The following SLC6A11 variants were observed in gnomAD, a reference collection of about 807,000 sequenced individuals.
SLC6A11 encodes solute carrier family 6 member 11, also known as sodium- and chloride-dependent GABA transporter 3.
Under a neutral mutation model 74.8 loss-of-function variants are expected in SLC6A11, and 25 were observed. The observed-to-expected ratio is 0.33, with a 90% confidence interval of 0.24 to 0.47. The LOEUF (loss-of-function observed/expected upper bound fraction) is 0.47, where lower values mean the gene tolerates loss of function less well. SLC6A11 is among the 20% of genes least tolerant of loss of function. The pLI is 1.00. For missense variants in SLC6A11, 574 were observed against 837.0 expected, an observed-to-expected ratio of 0.69 and a Z score of 3.88; for synonymous variants, 330 against 330.2, an observed-to-expected ratio of 1.00 and a Z score of 0.01.
Position 10,918,253 on chromosome 3 carries a change from C to G in SLC6A11, c.996-76C>G. 6.9e-7 allele frequency: 1 copy of G among 1,455,136 alleles called. No individual in the cohort carries two copies. Among genetic ancestry groups the G allele is most frequent in the Non-Finnish European group, 9.1e-7 (1 of 1,102,618 alleles). 90.1% of individuals were successfully genotyped at this position (1,455,136 alleles called of 1,614,324 possible). A position where few individuals can be genotyped will look rare whatever the true frequency, so the allele number is the denominator to read the frequency against. On this transcript the variant is annotated intron_variant, in intron 7 of 13. Transcript: ENST00000254488. This position sits in a 1 kb window ranked among gnomAD's most constrained non-coding sequence, Gnocchi z 4.5. ...CCTGCCTCACAGGACAGCCATGGTG[C>G]TCGGGTGGAGAACGTTTGAGCCGTG...
chr3:10,874,996 G>A lies in SLC6A11; in HGVS notation c.792G>A (p.Met264Ile). Residue 264 changes from methionine (M) to isoleucine (I), a missense_variant, in exon 6 of 14, where the codon ATG becomes ATA. By Grantham distance (10) the Met-to-Ile change is conservative (BLOSUM62 1). Transcript: ENST00000254488. Reference protein sequence around the residue: ...VYVTATFPYIMLLILLIRGVT... With the variant: ...VYVTATFPYIILLILLIRGVT... ...TGACTGCGACATTCCCCTACATCATGCTGCTGATCCTCCTGATACGAGGGG... is the reference window on the plus strand; with the variant it reads ...TGACTGCGACATTCCCCTACATCATACTGCTGATCCTCCTGATACGAGGGG... The A allele has an allele frequency of 6.2e-7, 1 of 1,613,508 alleles. No homozygotes were observed. The highest frequency in any genetic ancestry group is 8.5e-7 in the Non-Finnish European group (1 of 1,179,666).
intron 4 of SLC6A11, among the ~76,000 whole-genome samples, chr3:10,831,597 G>A (rs1694298951): frequency 6.6e-6 from 1 of 152,078 alleles, no homozygotes; most frequent in Non-Finnish European, 1.5e-5. Context: ...CCCAGGAGTG[G>A]GACTCGGGGG....
chr3:10,899,967 G>A lies in SLC6A11; in HGVS notation c.892-12123G>A, dbSNP rs984683475. 1.8e-4 allele frequency among the ~76,000 whole-genome samples: 27 copies of A among 152,180 alleles called. 1 individual carries two copies. The highest frequency in any genetic ancestry group is 1.9e-4 in the East Asian group (1 of 5,196). ...GATTCTCTCTTGCAGGTTTCTGCTCGCTCACTATGTCTGACAGGTGGTGGA... is the reference window on the plus strand; with the variant it reads ...GATTCTCTCTTGCAGGTTTCTGCTCACTCACTATGTCTGACAGGTGGTGGA... On this transcript the variant is annotated intron_variant, in intron 6 of 13. Coordinates refer to ENST00000254488, the MANE Select transcript of SLC6A11 (RefSeq NM_014229.3).
In SLC6A11 at chr3:10,850,160, C is replaced by T. The variant is rs138636627; in HGVS notation, c.756+5814C>T. Among the ~76,000 whole-genome samples the T allele has an allele frequency of 8.5e-4, 129 of 152,250 alleles. 4 individuals are homozygous for T. The East Asian group carries it at 0.022, about 26-fold the overall frequency. ...TTTATGCAAACAAATTCTCACTTGACAAGAAGCTAATATGTAAATTGCTAT... is the reference window on the plus strand; with the variant it reads ...TTTATGCAAACAAATTCTCACTTGATAAGAAGCTAATATGTAAATTGCTAT... On this transcript the variant is annotated intron_variant, in intron 5 of 13. Transcript: ENST00000254488.
At chr3:10,837,909 G>T (rs375825692) in intron 4 of SLC6A11, among the ~76,000 whole-genome samples, 22 of 152,246 alleles carry the variant, frequency 1.4e-4, no homozygotes, top group African/African-American at 5.1e-4. Context: ...CAAGGCAGCG[G>T]CCAGCTCCCT....
intron 7 of SLC6A11, among the ~76,000 whole-genome samples, chr3:10,913,756 C>T (rs760433559): frequency 1.3e-5 from 2 of 152,188 alleles, no homozygotes; most frequent in Non-Finnish European, 2.9e-5. Flanking sequence ...TGCAGTGGCA[C>T]GATCTCGGCT....
intron 3 of SLC6A11, among the ~76,000 whole-genome samples, chr3:10,820,410 C>T (rs1484662433): frequency 2.6e-5 from 4 of 152,186 alleles, no homozygotes; most frequent in Admixed American, 2.6e-4. Flanking sequence ...GATCTGGTGA[C>T]ACCAGACCCA....
intron 13 of SLC6A11, among the ~76,000 whole-genome samples, chr3:10,936,617 G>A (rs1264805402): frequency 3.3e-5 from 5 of 152,230 alleles, no homozygotes; most frequent in South Asian, 2.1e-4. Context: ...TCTCAAGCCT[G>A]CTCATGCCCC....
intron 4 of SLC6A11, among the ~76,000 whole-genome samples, chr3:10,832,730 A>C (rs1292792005): frequency 6.6e-6 from 1 of 152,208 alleles, no homozygotes; most frequent in Non-Finnish European, 1.5e-5. Context: ...CTGTCAAAGC[A>C]TACAAGTTCC....
chr3:10,880,304 T>C (rs1178506188), intron 6 of SLC6A11, among the ~76,000 whole-genome samples: 1 of 152,212 alleles, frequency 6.6e-6, no homozygotes, highest in Non-Finnish European at 1.5e-5. Context: ...GATCCTTAGT[T>C]TTCCTGTACT....
chr3:10,816,999 G>A lies in SLC6A11; in HGVS notation c.256+478G>A, dbSNP rs369160106. Among the ~76,000 whole-genome samples the A allele has an allele frequency of 3.9e-5, 6 of 152,136 alleles. No homozygotes were observed. The highest frequency in any genetic ancestry group is 2.1e-4 in the South Asian group (1 of 4,820). Reference sequence around the variant, plus strand: ...TCCTCTCAGTCACTTTCGTAGGCAGGGGTCTACCCATTTTGCAGGTGAGGA... The same window carrying A: ...TCCTCTCAGTCACTTTCGTAGGCAGAGGTCTACCCATTTTGCAGGTGAGGA... On this transcript the variant is annotated intron_variant, in intron 1 of 13. Transcript: ENST00000254488. This position sits in a 1 kb window ranked among gnomAD's most constrained non-coding sequence, Gnocchi z 4.2.
Position 10,844,263 on chromosome 3 carries a change from C to T in SLC6A11, c.673C>T (p.Arg225Cys), listed in dbSNP as rs757434400. ...SDGIEHIGNLRWELALCLLAA... is the reference protein window; with the variant it reads ...SDGIEHIGNLCWELALCLLAA... ...CGGGATCGAGCACATCGGGAACCTTCGCTGGGAGCTGGCCTTGTGTCTCTT... is the reference window on the plus strand; with the variant it reads ...CGGGATCGAGCACATCGGGAACCTTTGCTGGGAGCTGGCCTTGTGTCTCTT... Residue 225 changes from arginine to cysteine, a missense_variant, in exon 5 of 14, where the codon CGC becomes TGC. By Grantham distance (180) the Arg-to-Cys change is radical. Around this residue, in one of 4 missense-constraint regions of SLC6A11, gnomAD observed 215 missense variants for 357.9 expected, o/e 0.60. Transcript: ENST00000254488. 10 of 1,614,092 alleles carry T rather than the reference C, an allele frequency of 6.2e-6. No homozygotes were observed. The highest frequency in any genetic ancestry group is 2.7e-5 in the African/African-American group (2 of 74,940).
chr3:10,918,598 A>G lies in SLC6A11; in HGVS notation c.1120+145A>G, dbSNP rs1419678526. 29 of 861,134 alleles carry G rather than the reference A, an allele frequency of 3.4e-5. No homozygotes were observed. The highest frequency in any genetic ancestry group is 4.6e-5 in the Non-Finnish European group (27 of 592,212). The allele number at this position is 861,134 out of a possible 1,614,324, so 53.3% of individuals were successfully genotyped here. Reference sequence around the variant, plus strand: ...GGGCCCCACCATTCATCCACAATCCAGGATCCTGGGAATTACCTAGGAGGA... The same window carrying G: ...GGGCCCCACCATTCATCCACAATCCGGGATCCTGGGAATTACCTAGGAGGA... On this transcript the variant is annotated intron_variant, in intron 8 of 13. Transcript: ENST00000254488. This position sits in a 1 kb window ranked among gnomAD's most constrained non-coding sequence, Gnocchi z 4.5.
chr3:10,829,373 A>G (rs1405877998), intron 4 of SLC6A11, among the ~76,000 whole-genome samples: 1 of 152,204 alleles, frequency 6.6e-6, no homozygotes, highest in African/African-American at 2.4e-5. Context: ...GTTGGGCCCA[A>G]GCTGCCAAGG....
intron 6 of SLC6A11, among the ~76,000 whole-genome samples, chr3:10,887,176 T>C (rs1056985074): frequency 6.6e-6 from 1 of 151,104 alleles, no homozygotes; most frequent in Admixed American, 6.6e-5. Context: ...AGATGGATGA[T>C]AGGTGGACAG....
Position 10,827,021 on chromosome 3 carries a change from A to G in SLC6A11, c.623+3629A>G, listed in dbSNP as rs913689919. On this transcript the variant is annotated intron_variant, in intron 4 of 13. Coordinates refer to ENST00000254488, the MANE Select transcript of SLC6A11 (RefSeq NM_014229.3). ...ATGTGGTGTTGAATCCTGTATCCTA[A>G]AAGTACTCAAATACTAGTGGGACAC... Among the ~76,000 whole-genome samples the G allele has an allele frequency of 5.3e-5, 8 of 152,220 alleles. No homozygotes were observed. In the South Asian group the frequency reaches 1.2e-3, roughly 24 times the overall value.
At chr3:10,890,746 TTTC>T (rs1180819653) in intron 6 of SLC6A11, among the ~76,000 whole-genome samples, 1 of 152,252 alleles carries the variant, frequency 6.6e-6, no homozygotes, top group East Asian at 1.9e-4. Context: ...AGGATTACAT[TTTC>T]TTCTTGTTGG....
At position 10,938,401 on chromosome 3, in the gene SLC6A11, G is replaced by A. The variant is rs1695783815; in HGVS notation, c.1898G>A (p.Ter633=). The part of the protein sequence containing the change: ...AAITEKETHF[*] ...ATCACAGAGAAGGAGACGCACTTCT[G>A]AGCGGCCACCAGCCATCTGGGGCTC... Residue 633 remains the stop codon, a stop_retained_variant, in exon 14 of 14, where the codon TGA becomes TAA. Coordinates refer to ENST00000254488, the MANE Select transcript of SLC6A11 (RefSeq NM_014229.3). 1 of 1,592,860 alleles carries A rather than the reference G, an allele frequency of 6.3e-7. No individual in the cohort carries two copies. The highest frequency in any genetic ancestry group is 1.3e-5 in the African/African-American group (1 of 74,460).
At chr3:10,892,823 G>A (rs969865035) in intron 6 of SLC6A11, among the ~76,000 whole-genome samples, 6 of 152,124 alleles carry the variant, frequency 3.9e-5, no homozygotes, top group South Asian at 2.1e-4. Context: ...GAAACTGCAC[G>A]TCTCCAAGGT....
Sources: allele counts gnomAD v4.1 joint callset (sites outside exome capture counted in the v4.1 genomes callset), GRCh38; gene constraint gnomAD v4.1.1; regional missense constraint gnomAD v4.1.1; non-coding constraint Gnocchi (gnomAD v3.1); transcripts MANE v1.5; gene names NCBI Gene and HGNC (gene_info 2026-07-23, HGNC 2026-07-21).